The following SCAPER variants were observed in gnomAD, a reference collection of about 807,000 sequenced individuals.
The protein encoded by SCAPER is S phase cyclin A-associated protein in the endoplasmic reticulum.
SCAPER carries 98 observed loss-of-function variants against 182.2 expected under a neutral mutation model. The observed-to-expected ratio is 0.54, with a 90% CI of 0.46 to 0.64. The LOEUF is 0.64. SCAPER is among the 30% of genes least tolerant of loss of function. SCAPER has a pLI of 0.00. For missense variants in SCAPER, 1,432 were observed against 1,690.0 expected (o/e 0.85, Z 2.68); for synonymous variants, 605 against 564.6 (o/e 1.07, Z -1.01).
chr15:76,625,067 T>A (rs1195853402), intron 21 of SCAPER, among the ~76,000 whole-genome samples: 1 of 151,814 alleles, frequency 6.6e-6, no homozygotes, highest in Non-Finnish European at 1.5e-5. Context: ...CCAGAGAGAG[T>A]ACTCGGGTAC....
At chr15:76,453,158 T>C (rs2048495480) in intron 25 of SCAPER, among the ~76,000 whole-genome samples, 1 of 152,230 alleles carries the variant, frequency 6.6e-6, no homozygotes, top group Non-Finnish European at 1.5e-5. Context: ...CCCTGAACCT[T>C]GTGAGGATAC....
chr15:76,397,925 G>A (rs777816695), intron 27 of SCAPER, among the ~76,000 whole-genome samples: 14 of 152,034 alleles, frequency 9.2e-5, no homozygotes, highest in Admixed American at 3.3e-4. Flanking sequence ...CGCTATTGCC[G>A]TTACCACATC....
intron 20 of SCAPER, among the ~76,000 whole-genome samples, chr15:76,692,629 C>T (rs770799672): frequency 5.7e-5 from 8 of 141,026 alleles, no homozygotes; most frequent in Non-Finnish European, 1.2e-4. Flanking sequence ...GCAGAGGTTG[C>T]AGTGAGCCAA....
At chr15:76,690,708 T>C (rs904319311) in intron 20 of SCAPER, among the ~76,000 whole-genome samples, 1 of 152,154 alleles carries the variant, frequency 6.6e-6, no homozygotes, top group African/African-American at 2.4e-5. Context: ...CTAGATAGTT[T>C]ATAAGTAAGT....
At chr15:76,801,318 G>C (rs2065772361) in intron 6 of SCAPER, among the ~76,000 whole-genome samples, 1 of 151,992 alleles carries the variant, frequency 6.6e-6, no homozygotes, top group Non-Finnish European at 1.5e-5. Flanking sequence ...CTTTTTAGTT[G>C]GAAACATTTG....
At chr15:76,723,387 C>T (rs531913681) in intron 17 of SCAPER, among the ~76,000 whole-genome samples, 1 of 152,176 alleles carries the variant, frequency 6.6e-6, no homozygotes, top group South Asian at 2.1e-4. Flanking sequence ...GTGTGGTGTG[C>T]TGAAAAGAAT....
At position 76,629,202 on chromosome 15, in the gene SCAPER, G is replaced by T. The variant is rs116664500; in HGVS notation, c.2646-7373C>A. 3.9e-5 allele frequency among the ~76,000 whole-genome samples: 6 copies of T among 152,276 alleles called. No individual in the cohort carries two copies. In the East Asian group the frequency reaches 1.2e-3, roughly 29 times the overall value. Reference sequence around the variant, plus strand: ...CTAGATATAGGATCATGTCATCTGCGAACAAAGACACTTTGACTTCCTCTC... The same window carrying T: ...CTAGATATAGGATCATGTCATCTGCTAACAAAGACACTTTGACTTCCTCTC... On this transcript the variant is annotated intron_variant, in intron 21 of 31. Coordinates refer to ENST00000563290, the MANE Select transcript of SCAPER (RefSeq NM_020843.4).
chr15:76,354,184 G>A lies in SCAPER; in HGVS notation c.3856-44C>T. The A allele has an allele frequency of 6.4e-7, 1 of 1,565,576 alleles. No homozygotes were observed. Among genetic ancestry groups the A allele is most frequent in the Non-Finnish European group, 8.6e-7 (1 of 1,160,656 alleles). On this transcript the variant is annotated intron_variant, in intron 29 of 31. Transcript: ENST00000563290. This position sits in a 1 kb window ranked among gnomAD's most constrained non-coding sequence, Gnocchi z 4.4. ...CCAGGTCAGCTGCCGAAACGCCCCAGCCTGTCCCTCACCCACCTGCACAGT... is the reference window on the plus strand; with the variant it reads ...CCAGGTCAGCTGCCGAAACGCCCCAACCTGTCCCTCACCCACCTGCACAGT...
At chr15:76,720,207 G>C (rs1306084916) in intron 17 of SCAPER, among the ~76,000 whole-genome samples, 3 of 151,342 alleles carry the variant, frequency 2.0e-5, no homozygotes, top group African/African-American at 7.3e-5. Flanking sequence ...GCGATAGTTT[G>C]CTGAGAATGA....
intron 26 of SCAPER, among the ~76,000 whole-genome samples, chr15:76,430,436 T>C (rs2046785455): frequency 6.6e-6 from 1 of 152,202 alleles, no homozygotes; most frequent in Admixed American, 6.5e-5. Flanking sequence ...AGAGGGGCTA[T>C]ACCCTACAAA....
chr15:76,858,715 G>A (rs1241117514), intron 3 of SCAPER, among the ~76,000 whole-genome samples: 1 of 152,062 alleles, frequency 6.6e-6, no homozygotes, highest in Non-Finnish European at 1.5e-5. Flanking sequence ...AAATGAGAAC[G>A]TGCAGTTTTT....
At chr15:76,383,109 C>CACAA (rs1383692559) in intron 27 of SCAPER, among the ~76,000 whole-genome samples, 1 of 150,540 alleles carries the variant, frequency 6.6e-6, no homozygotes, top group African/African-American at 2.4e-5. Flanking sequence ...TGTAAATACA[C>CACAA]ACACACACAC....
chr15:76,889,582 T>G (rs1595919233), intron 1 of SCAPER, among the ~76,000 whole-genome samples: 1 of 152,266 alleles, frequency 6.6e-6, no homozygotes, highest in East Asian at 1.9e-4. Context: ...AGAAGGCCAT[T>G]ACATAATGGT....
At chr15:76,612,912 T>C (rs1442331206) in intron 22 of SCAPER, among the ~76,000 whole-genome samples, 5 of 152,224 alleles carry the variant, frequency 3.3e-5, no homozygotes, top group African/African-American at 7.2e-5. Flanking sequence ...CACAGAACTA[T>C]AAAAAACTAT....
At chr15:76,791,048 T>G (rs370461431) in intron 8 of SCAPER, among the ~76,000 whole-genome samples, 1 of 152,256 alleles carries the variant, frequency 6.6e-6, no homozygotes, top group Non-Finnish European at 1.5e-5. Context: ...TCTGACTCGA[T>G]GAGTTATCTA....
At chr15:76,464,007 C>CTTTTT (rs10630336) in intron 25 of SCAPER, among the ~76,000 whole-genome samples, 1,363 of 120,308 alleles carry the variant, frequency 0.011, 53 homozygotes, top group African/African-American at 0.028. Context: ...TTTCACTGGT[C>CTTTTT]TTTTTTTTTT....
chr15:76,802,530 AG>A (rs2065872414), intron 6 of SCAPER, among the ~76,000 whole-genome samples: 1 of 152,220 alleles, frequency 6.6e-6, no homozygotes, highest in Non-Finnish European at 1.5e-5. Flanking sequence ...TGGATGAAGT[AG>A]GCACTGAAAA....
chr15:76,451,658 A>G (rs1345054707), intron 25 of SCAPER, among the ~76,000 whole-genome samples: 3 of 152,212 alleles, frequency 2.0e-5, no homozygotes, highest in Non-Finnish European at 4.4e-5. Flanking sequence ...GCAGAGGCCA[A>G]CCATAAAGAA....
At chr15:76,585,390 TAG>T (rs1018038017) in intron 22 of SCAPER, among the ~76,000 whole-genome samples, 1 of 152,152 alleles carries the variant, frequency 6.6e-6, no homozygotes, top group African/African-American at 2.4e-5. Context: ...AAATATGGGC[TAG>T]AGTCACATCC....
Sources: allele counts gnomAD v4.1 joint callset (sites outside exome capture counted in the v4.1 genomes callset), GRCh38; gene constraint gnomAD v4.1.1; non-coding constraint Gnocchi (gnomAD v3.1); transcripts MANE v1.5; gene names NCBI Gene and HGNC (gene_info 2026-07-23, HGNC 2026-07-21).